Variants in DHX57 observed in about 807,000 individuals in gnomAD.
The protein encoded by DHX57 is putative ATP-dependent RNA helicase DHX57.
In DHX57, 105 loss-of-function variants were observed where a neutral mutation model predicts 156.2. That is an observed-to-expected ratio of 0.67 (90% CI 0.57 to 0.79). DHX57 has a LOEUF of 0.79. Ranked by LOEUF, DHX57 falls within the 30% of genes least tolerant of loss-of-function variation. The probability of loss-of-function intolerance (pLI) is 0.00; values close to 1 mark genes in which losing one functional copy is unlikely to be tolerated. For synonymous variants in DHX57, 704 were observed against 595.6 expected (o/e 1.18, Z -2.65); for missense variants, 1,847 against 1,661.9 (o/e 1.11, Z -1.94).
intron 23 of DHX57, among the ~76,000 whole-genome samples, chr2:38,800,303 G>A (rs541330965): frequency 5.9e-5 from 9 of 151,870 alleles, no homozygotes; most frequent in Admixed American, 3.9e-4. Context: ...GCAGTGAACC[G>A]AGATTGCGCC....
Position 38,798,834 on chromosome 2 carries a change from C to T in DHX57, c.4018-392G>A, listed in dbSNP as rs1669524271. On this transcript the variant is annotated intron_variant, in intron 23 of 23. Transcript: ENST00000457308. ...TGGCATGCGCCTGTAATCCCAGCTA[C>T]TCAGAGGCTGAGGCAGGAGAATGGC... Among the ~76,000 whole-genome samples, 4 of 152,198 alleles carry T rather than the reference C, an allele frequency of 2.6e-5. No individual in the cohort carries two copies. In the South Asian group the frequency reaches 8.3e-4, roughly 32 times the overall value.
At chr2:38,864,322 A>G (rs1664930910) in intron 2 of DHX57, among the ~76,000 whole-genome samples, 1 of 151,356 alleles carries the variant, frequency 6.6e-6, no homozygotes, top group Non-Finnish European at 1.5e-5. Flanking sequence ...AAGTGGTAGG[A>G]TTGCTTAAGC....
rs1669953762 is a variant in DHX57, at chr2:38,806,650, G to A, written c.3725C>T (p.Ala1242Val). Reference sequence around the variant, plus strand: ...AGCTGATTTTGGTTGCATTCTGACAGCTCCAGTACTGGTCTTCTGAAATTT... The same window carrying A: ...AGCTGATTTTGGTTGCATTCTGACAACTCCAGTACTGGTCTTCTGAAATTT... ...EGKFQKTSTG[A>V]VRMQPKSAEL... is the part of the protein sequence containing the mutation. The change falls in exon 22 of 24, where the codon GCT becomes GTT. Residue 1242 changes from alanine to valine, a missense_variant. Ala to Val is a moderately conservative substitution (Grantham distance 64). Transcript: ENST00000457308. The A allele has an allele frequency of 1.2e-6, 2 of 1,614,054 alleles. No individual in the cohort carries two copies. The highest frequency in any genetic ancestry group is 2.2e-5 in the South Asian group (2 of 91,074).
At position 38,828,438 on chromosome 2, in the gene DHX57, T is replaced by C; in HGVS notation, c.2543-2A>G. On this transcript the variant is annotated splice_acceptor_variant, in intron 13 of 23. Coordinates refer to ENST00000457308, the MANE Select transcript of DHX57 (RefSeq NM_198963.3). LOFTEE classifies it high-confidence loss of function. ...CTGGTAAAAATACAAGTATAGCACC[T>C]GGGTATATAAAAAGAATCAATATGT... The C allele has an allele frequency of 6.2e-7, 1 of 1,602,962 alleles. No individual in the cohort carries two copies. The highest frequency in any genetic ancestry group is 8.5e-7 in the Non-Finnish European group (1 of 1,174,594).
chr2:38,842,436 A>C (rs1268306118), intron 12 of DHX57, among the ~76,000 whole-genome samples: 1 of 152,212 alleles, frequency 6.6e-6, no homozygotes, highest in Non-Finnish European at 1.5e-5. Flanking sequence ...TAATTGTATC[A>C]GTGTTAAATG....
intron 16 of DHX57, among the ~76,000 whole-genome samples, chr2:38,824,188 GAA>G (rs1203437808): frequency 6.6e-6 from 1 of 152,144 alleles, no homozygotes; most frequent in Non-Finnish European, 1.5e-5. Context: ...AAAAAAGAAA[GAA>G]ATTCTGCAAT....
intron 7 of DHX57, 94 bp downstream of exon 7, chr2:38,856,246 G>C: frequency 6.7e-7 from 1 of 1,499,362 alleles, no homozygotes; most frequent in South Asian, 1.4e-5. Flanking sequence ...TATAAATCCA[G>C]CTACAGTTTT....
In DHX57 at chr2:38,843,071, C is replaced by G. The variant is rs1004526810; in HGVS notation, c.2359G>C (p.Asp787His). ...LRLSLHLQDQ[D>H]SVKDAVPDQQ... ...TCTGGCACTGCATCTTTGACAGAAT[C>G]CTGATCCTGGAGGTGAAGGGAGAGC... Residue 787 changes from aspartate to histidine, a missense_variant, in exon 12 of 24, where the codon GAT (aspartate) becomes CAT (histidine). Physicochemically the swap from Asp to His is moderately conservative, Grantham distance 81. Transcript: ENST00000457308. 1.2e-6 allele frequency: 2 copies of G among 1,614,214 alleles called. No homozygotes were observed. Among genetic ancestry groups the G allele is most frequent in the Non-Finnish European group, 1.7e-6 (2 of 1,180,024 alleles).
At chr2:38,850,649 T>C (rs1672537839) in intron 9 of DHX57, among the ~76,000 whole-genome samples, 1 of 151,812 alleles carries the variant, frequency 6.6e-6, no homozygotes, top group Non-Finnish European at 1.5e-5. Flanking sequence ...CTCTTTTTAA[T>C]GAGCTAATTT....
Position 38,815,503 on chromosome 2 carries a change from C to G in DHX57, c.3606+18G>C. ...GTGCTAATTAAAGAGAAATGAGAAC[C>G]AACTCCACATTCTTTACCTCTTCTC... On this transcript the variant is annotated intron_variant, in intron 20 of 23. Coordinates refer to ENST00000457308, the MANE Select transcript of DHX57 (RefSeq NM_198963.3). The G allele has an allele frequency of 6.2e-7, 1 of 1,613,628 alleles. No individual in the cohort carries two copies. The highest frequency in any genetic ancestry group is 2.2e-5 in the East Asian group (1 of 44,888).
intron 11 of DHX57, 55 bp from the exon 12 acceptor site, chr2:38,843,265 G>A: frequency 3.2e-6 from 5 of 1,571,366 alleles, no homozygotes; most frequent in South Asian, 2.2e-5. Context: ...GGTGAGGAGG[G>A]AAAGAATTCA....
chr2:38,832,702 T>C (rs1031824155), intron 13 of DHX57, among the ~76,000 whole-genome samples: 10 of 151,698 alleles, frequency 6.6e-5, no homozygotes, highest in African/African-American at 1.7e-4. Context: ...CCCATCACCA[T>C]GTCTGGCTAA....
chr2:38,830,718 T>C (rs1413492348), intron 13 of DHX57, among the ~76,000 whole-genome samples: 3 of 152,112 alleles, frequency 2.0e-5, no homozygotes, highest in Non-Finnish European at 4.4e-5. Context: ...AGCATGGAGC[T>C]TGGACACAAA....
rs763597163 is a variant in DHX57, at chr2:38,806,541, A to G, written c.3816+18T>C. 4 of 1,612,486 alleles carry G rather than the reference A, an allele frequency of 2.5e-6. No homozygotes were observed. In the African/African-American group the frequency reaches 5.3e-5, roughly 22 times the overall value. On this transcript the variant is annotated intron_variant, in intron 22 of 23. Transcript: ENST00000457308. ...CCAGGACGACCTGTAAACATTAAGTATACTCCACCATTCTGACCTGATAGT... is the reference window on the plus strand; with the variant it reads ...CCAGGACGACCTGTAAACATTAAGTGTACTCCACCATTCTGACCTGATAGT...
chr2:38,849,345 T>C (rs1023488273), intron 9 of DHX57, among the ~76,000 whole-genome samples: 2 of 152,180 alleles, frequency 1.3e-5, no homozygotes, highest in Non-Finnish European at 2.9e-5. Context: ...ACCACCCTAA[T>C]TGGTCTCTTG....
At chr2:38,871,197 CTTCTT>C (rs1307168989) in intron 1 of DHX57, among the ~76,000 whole-genome samples, 1 of 152,108 alleles carries the variant, frequency 6.6e-6, no homozygotes, top group Non-Finnish European at 1.5e-5. Context: ...AGTATTGTCT[CTTCTT>C]TTCTCTGAAA....
chr2:38,847,202 G>C (rs1672333448), intron 10 of DHX57, 129 bp from the exon 11 acceptor site: 1 of 715,868 alleles, frequency 1.4e-6, no homozygotes, highest in African/African-American at 1.8e-5. Flanking sequence ...GGTCTTAAAA[G>C]TATCAAGAAG....
intron 13 of DHX57, among the ~76,000 whole-genome samples, chr2:38,835,700 A>G (rs950685885): frequency 5.3e-5 from 8 of 152,350 alleles, no homozygotes; most frequent in African/African-American, 1.9e-4. Flanking sequence ...GAACATCATG[A>G]AAGTCTGGAA....
Position 38,798,367 on chromosome 2 carries a change from C to T in DHX57, c.4093G>A (p.Asp1365Asn), listed in dbSNP as rs753612064. The T allele has an allele frequency of 4.3e-6, 7 of 1,614,094 alleles. No individual in the cohort carries two copies. Among genetic ancestry groups the T allele is most frequent in the Middle Eastern group, 1.7e-4 (1 of 6,060 alleles). The change falls in exon 24 of 24, where the codon GAT becomes AAT. Residue 1365 changes from aspartate (D) to asparagine (N), a missense_variant. Coordinates refer to ENST00000457308, the MANE Select transcript of DHX57 (RefSeq NM_198963.3). ...LQDKIKNPSI[D>N]LCTCPRGSRI... ...GATCCTCGAGGACACGTACACAGAT[C>T]AATGCTTGGGTTTTTAATTTTATCC...
Sources: allele counts gnomAD v4.1 joint callset (sites outside exome capture counted in the v4.1 genomes callset), GRCh38; gene constraint gnomAD v4.1.1; transcripts MANE v1.5; gene names NCBI Gene and HGNC (gene_info 2026-07-23, HGNC 2026-07-21).